Variants in DST observed in about 807,000 individuals in gnomAD.
DST encodes the protein dystonin, also known as bullous pemphigoid antigen.
Under a neutral mutation model 875.2 loss-of-function variants are expected in DST, and 253 were observed. The observed-to-expected ratio is 0.29, with a 90% CI of 0.26 to 0.32. DST has a LOEUF of 0.32. DST is among the 10% of genes least tolerant of loss of function. The pLI, the probability that DST is intolerant of heterozygous loss-of-function variation, is 1.00. For missense variants in DST, 8,287 were observed against 9,111.6 expected, an observed-to-expected ratio of 0.91 and a Z score of 3.68; for synonymous variants, 3,124 against 3,197.1, an observed-to-expected ratio of 0.98 and a Z score of 0.77.
chr6:56,737,150 C>T (rs180858690), intron 4 of DST, among the ~76,000 whole-genome samples: 1 of 152,304 alleles, frequency 6.6e-6, no homozygotes, highest in East Asian at 1.9e-4. Context: ...GCCATGATGG[C>T]GCCACTGTAC....
rs191938592 is a variant in DST, at chr6:56,646,149, T to C, written c.1588A>G (p.Thr530Ala). 823 of 1,529,338 alleles carry C rather than the reference T, an allele frequency of 5.4e-4. 5 individuals carry two copies. In the African/African-American group the frequency reaches 0.011, roughly 20 times the overall value. 94.7% of individuals were successfully genotyped at this position (1,529,338 alleles called of 1,614,324 possible). A position where few individuals can be genotyped will look rare whatever the true frequency, so the allele number is the denominator to read the frequency against. Residue 530 changes from threonine (T) to alanine (A), a missense_variant, in exon 14 of 104, where the codon ACA becomes GCA. Physicochemically the swap from Thr to Ala is moderately conservative, Grantham distance 58 (BLOSUM62 0). Coordinates refer to ENST00000680361, the MANE Select transcript of DST (RefSeq NM_001374736.1). ...TCTGTCTCCTTTGGTGGAATTTCTG[T>C]TTCTTTAAACTGTAAATACTGATTA... The part of the protein sequence containing the change: ...LYNQYLQFKE[T>A]EIPPKETEKS...
chr6:56,494,197 T>C lies in DST; in HGVS notation c.20224-17A>G. 6.3e-7 allele frequency: 1 copy of C among 1,577,194 alleles called. No homozygotes were observed. The highest frequency in any genetic ancestry group is 8.6e-7 in the Non-Finnish European group (1 of 1,160,972). ...ACAGACTTCCTAAATTGAGATACCC[T>C]CAAGTTATATCACTTTAAGAAAGTA... is the stretch of plus-strand genomic sequence containing the variant. On this transcript the variant is annotated splice_polypyrimidine_tract_variant and intron_variant, in intron 82 of 103. Coordinates refer to ENST00000680361, the MANE Select transcript of DST (RefSeq NM_001374736.1).
rs749497775 is a variant in DST, at chr6:56,492,227, C to T, written c.20757G>A (p.Gln6919=). Residue 6919 remains glutamine (Q), a splice_region_variant and synonymous_variant, in exon 85 of 104, where the codon CAG becomes CAA. Transcript: ENST00000680361. ...GAGAATTTTTCTAAAGGGTTATTAC[C>T]TGCTTGGCTCTCTTCCTTGCATCAT... ...SLDDARKRAK[Q]FHEAWSKLME... 33 of 1,613,194 alleles carry T rather than the reference C, an allele frequency of 2.0e-5. No homozygotes were observed. The South Asian group carries it at 3.0e-4, about 15-fold the overall frequency.
chr6:56,676,063 A>G (rs1014947993), intron 9 of DST, among the ~76,000 whole-genome samples: 2 of 151,936 alleles, frequency 1.3e-5, no homozygotes, highest in Admixed American at 1.3e-4. Flanking sequence ...AAAGATAACA[A>G]GTGGTTTTTG....
intron 2 of DST, among the ~76,000 whole-genome samples, chr6:56,947,243 A>ACT (rs1374092722): frequency 9.1e-5 from 11 of 120,822 alleles, no homozygotes; most frequent in Admixed American, 5.2e-4. Context: ...ATTTTTTGCT[A>ACT]CTCTCTCTTT....
chr6:56,943,436 T>C lies in DST; in HGVS notation c.216+10349A>G, dbSNP rs549873109. ...TCATTTTCTTTTTCTTTTTCTTTTT[T>C]TTTTTTTTGAGATAGATTTTCACTC... is the stretch of plus-strand genomic sequence containing the variant. On this transcript the variant is annotated intron_variant, in intron 2 of 103. Transcript: ENST00000680361. Among the ~76,000 whole-genome samples, 12 of 151,320 alleles carry C rather than the reference T, an allele frequency of 7.9e-5. No homozygotes were observed. The East Asian group carries it at 1.7e-3, about 22-fold the overall frequency.
At chr6:56,721,983 G>A (rs1368656475) in intron 5 of DST, among the ~76,000 whole-genome samples, 1 of 152,026 alleles carries the variant, frequency 6.6e-6, no homozygotes, top group Non-Finnish European at 1.5e-5. Context: ...GGTGTGGCTG[G>A]GTTCAATACA....
chr6:56,670,618 G>GA (rs779247078), intron 10 of DST, 23 bp downstream of exon 10: 6 of 1,464,704 alleles, frequency 4.1e-6, no homozygotes, highest in East Asian at 5.0e-5. Context: ...GTTGTATAAG[G>GA]AAAAAATACA....
At chr6:56,548,608 G>C (rs73455767) in intron 61 of DST, among the ~76,000 whole-genome samples, 5,761 of 152,292 alleles carry the variant, frequency 0.038, 134 homozygotes, top group African/African-American at 0.052. Flanking sequence ...AGTAGGGATA[G>C]AGGGAACACC....
chr6:56,633,493 T>G (rs1028223724), intron 27 of DST, among the ~76,000 whole-genome samples: 5 of 151,872 alleles, frequency 3.3e-5, no homozygotes, highest in African/African-American at 1.2e-4. Flanking sequence ...CCCAAAGTGC[T>G]GGGATTACAG....
chr6:56,549,583 G>A (rs1375536988), intron 61 of DST, among the ~76,000 whole-genome samples: 1 of 152,176 alleles, frequency 6.6e-6, no homozygotes, highest in African/African-American at 2.4e-5. Flanking sequence ...AGCAGCAGTA[G>A]TGGTGATCAC....
intron 4 of DST, among the ~76,000 whole-genome samples, chr6:56,782,280 C>A (rs1238259935): frequency 5.3e-5 from 8 of 152,100 alleles, no homozygotes; most frequent in African/African-American, 7.2e-5. Flanking sequence ...ATTGATTGGA[C>A]TAGTTTCAGA....
At chr6:56,812,856 C>A (rs1363964447) in intron 4 of DST, among the ~76,000 whole-genome samples, 2 of 152,050 alleles carry the variant, frequency 1.3e-5, no homozygotes, top group Admixed American at 6.6e-5. Flanking sequence ...ACTAGAAATA[C>A]CATTTGACCC....
At chr6:56,805,676 G>C (rs182699354) in intron 4 of DST, among the ~76,000 whole-genome samples, 1 of 152,168 alleles carries the variant, frequency 6.6e-6, no homozygotes, top group African/African-American at 2.4e-5. Flanking sequence ...ACCATTCTAA[G>C]AGTGTAACTT....
In DST at chr6:56,818,205, T is replaced by C. The variant is rs74377076; in HGVS notation, c.625+33192A>G. 3.3e-3 allele frequency among the ~76,000 whole-genome samples: 507 copies of C among 152,272 alleles called. 4 individuals carry two copies. The highest frequency in any genetic ancestry group is 0.012 in the African/African-American group (492 of 41,546). On this transcript the variant is annotated intron_variant, in intron 4 of 103. Coordinates refer to ENST00000680361, the MANE Select transcript of DST (RefSeq NM_001374736.1). ...TTTCAGCTACTAAGTTTGTGATTAT[T>C]TGTTATAGCAACAATAGGAAACTAA...
chr6:56,904,717 C>G (rs1455243344), intron 2 of DST, among the ~76,000 whole-genome samples: 1 of 152,006 alleles, frequency 6.6e-6, no homozygotes, highest in East Asian at 1.9e-4. Context: ...TAAAAAAAAG[C>G]CATGTCTTTT....
chr6:56,934,464 C>T (rs2599697), intron 2 of DST, among the ~76,000 whole-genome samples: 38,859 of 149,392 alleles, frequency 0.26, 6,239 homozygotes, highest in Middle Eastern at 0.39. Context: ...CCTGGAAATG[C>T]GTTAGCTCAA....
intron 44 of DST, 23 bp from the exon 45 acceptor site, chr6:56,600,244 C>T (rs751456502): frequency 8.1e-6 from 13 of 1,605,730 alleles, no homozygotes; most frequent in Non-Finnish European, 1.1e-5. Flanking sequence ...AAACCCAAAA[C>T]ATCTTAAATG....
At chr6:56,585,668 T>C (rs2098131932) in intron 49 of DST, among the ~76,000 whole-genome samples, 1 of 152,050 alleles carries the variant, frequency 6.6e-6, no homozygotes, top group African/African-American at 2.4e-5. Flanking sequence ...GCTTTTCTAG[T>C]TCTTTTAATT....
Sources: allele counts gnomAD v4.1 joint callset (sites outside exome capture counted in the v4.1 genomes callset), GRCh38; gene constraint gnomAD v4.1.1; transcripts MANE v1.5; gene names NCBI Gene and HGNC (gene_info 2026-07-23, HGNC 2026-07-21).